Variants in CCSER2 observed in about 807,000 individuals in gnomAD.
CCSER2 encodes the protein coiled-coil serine rich protein 2.
In CCSER2, 46 loss-of-function variants were observed where a neutral mutation model predicts 92.3. The ratio of observed to expected loss-of-function variants is 0.50; its 90% CI spans 0.39 to 0.64. CCSER2 has a LOEUF of 0.64. Among genes scored for constraint, CCSER2 ranks in the 30% least tolerant of loss-of-function variants. The pLI, the probability that CCSER2 is intolerant of heterozygous loss-of-function variation, is 0.00. For synonymous variants in CCSER2, 433 were observed against 431.4 expected (o/e 1.00, Z -0.04); for missense variants, 1,244 against 1,238.9 (o/e 1.00, Z -0.06).
At chr10:84,480,790 G>C (rs1847412233) in intron 9 of CCSER2, among the ~76,000 whole-genome samples, 2 of 152,304 alleles carry the variant, frequency 1.3e-5, no homozygotes, top group South Asian at 4.1e-4. Flanking sequence ...GTGTGTATAT[G>C]TGTATGTGCC....
chr10:84,482,205 C>T (rs935650034), intron 9 of CCSER2, among the ~76,000 whole-genome samples: 1 of 151,914 alleles, frequency 6.6e-6, no homozygotes, highest in Non-Finnish European at 1.5e-5. Context: ...TAAGAATGAG[C>T]CGTAAGAGCA....
intron 6 of CCSER2, among the ~76,000 whole-genome samples, chr10:84,448,197 T>C (rs1321188373): frequency 6.6e-6 from 1 of 152,262 alleles, no homozygotes; most frequent in East Asian, 1.9e-4. Flanking sequence ...AAACCTGGCA[T>C]TGAGCCCTTT....
intron 3 of CCSER2, among the ~76,000 whole-genome samples, chr10:84,405,676 A>G (rs1298596899): frequency 6.6e-6 from 1 of 152,210 alleles, no homozygotes; most frequent in African/African-American, 2.4e-5. Context: ...ATCAAAAAGG[A>G]TGTAAGAGTG....
chr10:84,477,928 C>T (rs1041640531), intron 9 of CCSER2, among the ~76,000 whole-genome samples: 2 of 152,168 alleles, frequency 1.3e-5, no homozygotes, highest in African/African-American at 4.8e-5. Context: ...CTACTCTCCT[C>T]TTATTGCATG....
chr10:84,332,156 TA>T (rs1332978236), intron 1 of CCSER2, among the ~76,000 whole-genome samples: 1 of 152,102 alleles, frequency 6.6e-6, no homozygotes, highest in African/African-American at 2.4e-5. Context: ...TTTTTGCTTT[TA>T]AAAGTTTGTT....
rs1225916003 is a variant in CCSER2 at position 84,514,146 on chromosome 10, G to A, written c.3023G>A (p.Ser1008Asn). 2 of 1,536,158 alleles carry A rather than the reference G, an allele frequency of 1.3e-6. No homozygotes were observed. Among genetic ancestry groups the A allele is most frequent in the Admixed American group, 3.9e-5 (2 of 50,974 alleles). Residue 1008 changes from serine to asparagine, a missense_variant, in exon 10 of 10, where the codon AGC becomes AAC. Physicochemically the swap from Ser to Asn is conservative, Grantham distance 46. Coordinates refer to ENST00000372088, the MANE Select transcript of CCSER2 (RefSeq NM_001284240.2). The stretch of plus-strand genomic sequence containing the variant: ...CCTCAAAGCTTCCAGGCCAAGACAA[G>A]CATCCCAAGGCCACTAACACAACGA... ...LEPQSFQAKT[S>N]IPRPLTQRKE... is the part of the protein sequence containing the mutation.
intron 6 of CCSER2, among the ~76,000 whole-genome samples, chr10:84,450,889 A>G (rs1277654317): frequency 6.6e-6 from 1 of 152,230 alleles, no homozygotes; most frequent in African/African-American, 2.4e-5. Flanking sequence ...TGTAAGATAC[A>G]ATCTGAGTGT....
Position 84,372,196 on chromosome 10 carries a change from A to T in CCSER2, c.1144A>T (p.Lys382Ter). Residue 382 changes from lysine to a stop codon, truncating the protein, a stop_gained, in exon 2 of 10, where the codon AAA becomes TAA. Coordinates refer to ENST00000372088, the MANE Select transcript of CCSER2 (RefSeq NM_001284240.2). LOFTEE classifies it high-confidence loss of function. ...TAGAACAAAAAACAACCAGACCATG[A>T]AACATGATGCTAAAATGAGATACCT... is the stretch of plus-strand genomic sequence containing the variant. ...SYRTKNNQTM[K>*]HDAKMRYLSD... is the part of the protein sequence containing the mutation. 6.2e-7 allele frequency: 1 copy of T among 1,613,668 alleles called. No homozygotes were observed. Among genetic ancestry groups the T allele is most frequent in the Non-Finnish European group, 8.5e-7 (1 of 1,179,802 alleles).
At chr10:84,395,771 G>A (rs751746164) in intron 3 of CCSER2, among the ~76,000 whole-genome samples, 6 of 152,296 alleles carry the variant, frequency 3.9e-5, no homozygotes, top group East Asian at 1.9e-4. Context: ...GATTTCAGCC[G>A]TAGCTGAATA....
intron 8 of CCSER2, among the ~76,000 whole-genome samples, chr10:84,472,226 A>G (rs935739856): frequency 3.3e-5 from 5 of 152,192 alleles, no homozygotes; most frequent in Admixed American, 3.3e-4. Flanking sequence ...CTTGCTTTGT[A>G]TAAAAAAAAT....
chr10:84,457,300 TAATATG>T (rs1845742001), intron 6 of CCSER2, among the ~76,000 whole-genome samples: 5 of 63,506 alleles, frequency 7.9e-5, no homozygotes, highest in Admixed American at 3.1e-4. Flanking sequence ...ATATTATATA[TAATATG>T]TTATATATAA....
chr10:84,456,097 CAG>C lies in CCSER2; in HGVS notation c.2065-7835_2065-7834del, dbSNP rs371294080. 166 of 392,312 alleles carry C rather than the reference CAG, an allele frequency of 4.2e-4. 1 individual carries two copies. Among genetic ancestry groups the C allele is most frequent in the African/African-American group, 2.9e-3 (137 of 47,450 alleles). The allele number at this position is 392,312 out of a possible 1,614,324, so 24.3% of individuals were successfully genotyped here. ...GCCAAAGACCCGAGCTGCAGCCACACAGGGGAGAGAACAGGAAACGCCATGCA... is the reference window on the plus strand; with the variant it reads ...GCCAAAGACCCGAGCTGCAGCCACACGGGAGAGAACAGGAAACGCCATGCA... On this transcript the variant is annotated intron_variant, in intron 6 of 9. Coordinates refer to ENST00000372088, the MANE Select transcript of CCSER2 (RefSeq NM_001284240.2).
In CCSER2 at chr10:84,417,703, T is replaced by A. The variant is rs140275333; in HGVS notation, c.1615-68T>A. On this transcript the variant is annotated intron_variant, in intron 3 of 9. Transcript: ENST00000372088. Reference sequence around the variant, plus strand: ...TTCAGGATATCATATAGTTCGATTTTAAAAAATAATGGTTGACATATCCTT... The same window carrying A: ...TTCAGGATATCATATAGTTCGATTTAAAAAAATAATGGTTGACATATCCTT... 586 of 790,902 alleles carry A rather than the reference T, an allele frequency of 7.4e-4. 3 individuals carry two copies. In the African/African-American group the frequency reaches 8.7e-3, roughly 12 times the overall value. The allele number at this position is 790,902 out of a possible 1,614,324, so 49.0% of individuals were successfully genotyped here.
At chr10:84,398,669 T>C (rs769313171) in intron 3 of CCSER2, among the ~76,000 whole-genome samples, 9 of 152,120 alleles carry the variant, frequency 5.9e-5, no homozygotes, top group Non-Finnish European at 1.3e-4. Context: ...TAGAGAAAAA[T>C]CTAAGATCAT....
chr10:84,338,147 T>C (rs1259169238), intron 1 of CCSER2, among the ~76,000 whole-genome samples: 1 of 151,668 alleles, frequency 6.6e-6, no homozygotes, highest in Non-Finnish European at 1.5e-5. Context: ...GGCATGGTGG[T>C]GCATGCCTGT....
At chr10:84,390,926 C>T in intron 3 of CCSER2, 3 of 750,788 alleles carry the variant, frequency 4.0e-6, no homozygotes, top group Admixed American at 1.7e-5. Flanking sequence ...GAGGCTTGTA[C>T]AGCACCTGTT....
In CCSER2 at chr10:84,517,444, G is replaced by C. The variant is rs1014711085; in HGVS notation, c.*3177G>C. 6.6e-6 allele frequency: 1 copy of C among 152,538 alleles called. No homozygotes were observed. Among genetic ancestry groups the C allele is most frequent in the Non-Finnish European group, 1.5e-5 (1 of 68,022 alleles). The allele number at this position is 152,538 out of a possible 1,614,324, so 9.4% of individuals were successfully genotyped here. On this transcript the variant is annotated 3_prime_UTR_variant, in exon 10 of 10. Transcript: ENST00000372088. Reference sequence around the variant, plus strand: ...AATATTTTCAGGCATATAGGCTACTGTTCATTGTATTTATATATATATTAG... The same window carrying C: ...AATATTTTCAGGCATATAGGCTACTCTTCATTGTATTTATATATATATTAG...
At chr10:84,455,499 C>T in intron 6 of CCSER2, 2 of 321,094 alleles carry the variant, frequency 6.2e-6, no homozygotes, top group Non-Finnish European at 1.2e-5. Context: ...TGGTCTCAAA[C>T]TCCTGACCTC....
In CCSER2 at chr10:84,491,306, G is replaced by A. The variant is rs561477553; in HGVS notation, c.2325+13642G>A. Among the ~76,000 whole-genome samples the A allele has an allele frequency of 3.3e-5, 5 of 152,332 alleles. No individual in the cohort carries two copies. The South Asian group carries it at 1.0e-3, about 32-fold the overall frequency. On this transcript the variant is annotated intron_variant, in intron 9 of 9. Coordinates refer to ENST00000372088, the MANE Select transcript of CCSER2 (RefSeq NM_001284240.2). ...ATTTAAGTCTGCAGAGGTTTCTGCTGCCTTTTGTTTGGCTGTGCCCTGCCC... is the reference window on the plus strand; with the variant it reads ...ATTTAAGTCTGCAGAGGTTTCTGCTACCTTTTGTTTGGCTGTGCCCTGCCC...
Sources: allele counts gnomAD v4.1 joint callset (sites outside exome capture counted in the v4.1 genomes callset), GRCh38; gene constraint gnomAD v4.1.1; transcripts MANE v1.5; gene names NCBI Gene and HGNC (gene_info 2026-07-23, HGNC 2026-07-21).